The following PRDM12 variants were observed in gnomAD, a reference collection of about 807,000 sequenced individuals.
The protein encoded by PRDM12 is PR/SET domain 12, also known as PR domain zinc finger protein 12.
Under a neutral mutation model 29.6 loss-of-function variants are expected in PRDM12, and 17 were observed. That is an observed-to-expected ratio of 0.57 (90% CI 0.39 to 0.86). The LOEUF (loss-of-function observed/expected upper bound fraction) is 0.86, where lower values mean the gene tolerates loss of function less well. Ranked by LOEUF, PRDM12 falls within the 40% of genes least tolerant of loss-of-function variation. The pLI, the probability that PRDM12 is intolerant of heterozygous loss-of-function variation, is 0.00. For missense variants in PRDM12, 422 were observed against 510.8 expected (o/e 0.83, Z 1.68); for synonymous variants, 231 against 225.8 (o/e 1.02, Z -0.21).
rs369680186 is a variant in PRDM12 at position 130,681,270 on chromosome 9, G to C, written c.705G>C (p.Ser235=). The change falls in exon 5 of 5, where the codon TCG becomes TCC. Residue 235 remains serine (S), a synonymous_variant. Coordinates refer to ENST00000253008, the MANE Select transcript of PRDM12 (RefSeq NM_021619.3). This position sits in a 1 kb window ranked among gnomAD's most constrained non-coding sequence, Gnocchi z 8.1. ...CAGAGGACTTCCACCCGGCGGACTC[G>C]GCGGCTGGCCCCGCGGGCCGCATGC... The part of the protein sequence containing the change: ...NKHEDFHPAD[S]AAGPAGRMRC... 12 of 1,472,656 alleles carry C rather than the reference G, an allele frequency of 8.1e-6. No individual in the cohort carries two copies. The highest frequency in any genetic ancestry group is 5.1e-5 in the East Asian group (2 of 39,218). The allele number at this position is 1,472,656 out of a possible 1,614,324, so 91.2% of individuals were successfully genotyped here.
rs767792249 is a variant in PRDM12, at chr9:130,666,751, G to T, written c.367G>T (p.Ala123Ser). The change falls in exon 2 of 5, where the codon GCC becomes TCC. Residue 123 changes from alanine (A) to serine (S), a missense_variant. Ala to Ser is a moderately conservative substitution (Grantham distance 99). Transcript: ENST00000253008. The part of the protein sequence containing the change: ...EMGPFTGRVI[A>S]PEHVDICKNN... ...GGGCCCCTTCACCGGCCGCGTGATC[G>T]CCCCGGAGCACGTGGACATCTGCAA... 3 of 1,612,496 alleles carry T rather than the reference G, an allele frequency of 1.9e-6. No individual in the cohort carries two copies. Among genetic ancestry groups the T allele is most frequent in the Non-Finnish European group, 2.5e-6 (3 of 1,179,516 alleles).
In PRDM12 at chr9:130,682,702, C is replaced by G. The variant is rs570502377; in HGVS notation, c.*1033C>G. 3.6e-4 allele frequency: 55 copies of G among 152,550 alleles called. No individual in the cohort carries two copies. The highest frequency in any genetic ancestry group is 1.2e-3 in the African/African-American group (49 of 41,562). The allele number at this position is 152,550 out of a possible 1,614,324, so 9.4% of individuals were successfully genotyped here. A position where few individuals can be genotyped will look rare whatever the true frequency, so the allele number is the denominator to read the frequency against. ...CCCGTTTCCTCAAATTCGGGCCGTG[C>G]GCGCCCTCTGGTGTCGCCTCTCACA... is the stretch of plus-strand genomic sequence containing the variant. On this transcript the variant is annotated 3_prime_UTR_variant, in exon 5 of 5. Coordinates refer to ENST00000253008, the MANE Select transcript of PRDM12 (RefSeq NM_021619.3). The surrounding 1 kb of genome is among the most constrained non-coding windows in gnomAD (Gnocchi z 4.2).
At chr9:130,666,944 T>C (rs1015633449) in intron 2 of PRDM12, 146 bp downstream of exon 2, 30 of 1,149,920 alleles carry the variant, frequency 2.6e-5, no homozygotes, top group Non-Finnish European at 3.4e-5. Flanking sequence ...GCCGGGACTC[T>C]AAGCCGCCCG....
chr9:130,666,994 G>T (rs1022578865), intron 2 of PRDM12, among the ~76,000 whole-genome samples, 196 bp downstream of exon 2: 2 of 152,150 alleles, frequency 1.3e-5, no homozygotes, highest in African/African-American at 4.8e-5. Flanking sequence ...CTCCCAACCC[G>T]TGCCGAAAAT....
In PRDM12 at chr9:130,681,473, T is replaced by G; in HGVS notation, c.908T>G (p.Val303Gly). Residue 303 changes from valine to glycine, a missense_variant, in exon 5 of 5, where the codon GTG (valine) becomes GGG (glycine). This residue lies in a region of PRDM12 where 24 missense variants were observed against 64.0 expected (regional missense o/e 0.38). Transcript: ENST00000253008. The surrounding 1 kb of genome is among the most constrained non-coding windows in gnomAD (Gnocchi z 8.1). ...GGCGAGCGCCCCTACAAGTGCCAGG[T>G]GTGCCAGAGCGCCTACTCGCAGCTG... The part of the protein sequence containing the change: ...HTGERPYKCQ[V>G]CQSAYSQLAG... 6.4e-7 allele frequency: 1 copy of G among 1,550,772 alleles called. No homozygotes were observed. Among genetic ancestry groups the G allele is most frequent in the Admixed American group, 1.8e-5 (1 of 56,682 alleles).
rs1049765567 is a variant in PRDM12 at position 130,682,806 on chromosome 9, T to C, written c.*1137T>C. 3.3e-5 allele frequency: 5 copies of C among 152,658 alleles called. No individual in the cohort carries two copies. Among genetic ancestry groups the C allele is most frequent in the Admixed American group, 2.6e-4 (4 of 15,284 alleles). The allele number at this position is 152,658 out of a possible 1,614,324, so 9.5% of individuals were successfully genotyped here. On this transcript the variant is annotated 3_prime_UTR_variant, in exon 5 of 5. Coordinates refer to ENST00000253008, the MANE Select transcript of PRDM12 (RefSeq NM_021619.3). The surrounding 1 kb of genome is among the most constrained non-coding windows in gnomAD (Gnocchi z 4.2). ...ATATTAATGAAAAGTATAAAATGTA[T>C]AGAGTTTTCAAGAAACTGCGTTCTA...
In PRDM12 at chr9:130,681,137, GC is replaced by G; in HGVS notation, c.683-107del. On this transcript the variant is annotated intron_variant, in intron 4 of 4. Coordinates refer to ENST00000253008, the MANE Select transcript of PRDM12 (RefSeq NM_021619.3). This position sits in a 1 kb window ranked among gnomAD's most constrained non-coding sequence, Gnocchi z 8.1. Reference sequence around the variant, plus strand: ...AGCACCCACCCTCAAGGACGGACCGGCCCCGGGCTGGGGGCGCTGAGGGCCC... The same window carrying G: ...AGCACCCACCCTCAAGGACGGACCGGCCCGGGCTGGGGGCGCTGAGGGCCC... 1 of 1,164,266 alleles carries G rather than the reference GC, an allele frequency of 8.6e-7. No homozygotes were observed. The highest frequency in any genetic ancestry group is 1.1e-6 in the Non-Finnish European group (1 of 890,516). 72.1% of individuals were successfully genotyped at this position (1,164,266 alleles called of 1,614,324 possible). A position where few individuals can be genotyped will look rare whatever the true frequency, so the allele number is the denominator to read the frequency against.
At chr9:130,680,120 C>T (rs28633092) in intron 4 of PRDM12, among the ~76,000 whole-genome samples, 116,471 of 151,308 alleles carry the variant, frequency 0.77, 45,972 homozygotes, top group East Asian at 0.99. Flanking sequence ...GAGGATCACT[C>T]GAGCCCAGGA....
intron 3 of PRDM12, among the ~76,000 whole-genome samples, chr9:130,674,986 T>G (rs894069351): frequency 3.9e-5 from 6 of 152,142 alleles, no homozygotes; most frequent in Non-Finnish European, 7.4e-5. Context: ...TTCAGGCGAT[T>G]CTCCTGCCTC....
chr9:130,670,189 G>C (rs1276593787), intron 3 of PRDM12, among the ~76,000 whole-genome samples: 2 of 152,172 alleles, frequency 1.3e-5, no homozygotes, highest in Non-Finnish European at 2.9e-5. Context: ...TCCCCTTGGG[G>C]TTGGGCTAGG....
At chr9:130,674,291 GC>G (rs1267120172) in intron 3 of PRDM12, among the ~76,000 whole-genome samples, 1 of 152,004 alleles carries the variant, frequency 6.6e-6, no homozygotes, top group Non-Finnish European at 1.5e-5. Context: ...GGGATTACAG[GC>G]GTGAGCCACT....
chr9:130,681,301 G>T lies in PRDM12; in HGVS notation c.736G>T (p.Val246Phe). ...TGGCCCCGCGGGCCGCATGCGATGC[G>T]TCATCTGCCACCGCGGCTTCAACTC... ...AAGPAGRMRC[V>F]ICHRGFNSRS... The change falls in exon 5 of 5, where the codon GTC becomes TTC. Residue 246 changes from valine (V) to phenylalanine (F), a missense_variant. Coordinates refer to ENST00000253008, the MANE Select transcript of PRDM12 (RefSeq NM_021619.3). This position sits in a 1 kb window ranked among gnomAD's most constrained non-coding sequence, Gnocchi z 8.1. 5 of 1,525,954 alleles carry T rather than the reference G, an allele frequency of 3.3e-6. No individual in the cohort carries two copies. Among genetic ancestry groups the T allele is most frequent in the Non-Finnish European group, 4.4e-6 (5 of 1,131,014 alleles). 94.5% of individuals were successfully genotyped at this position (1,525,954 alleles called of 1,614,324 possible). A position where few individuals can be genotyped will look rare whatever the true frequency, so the allele number is the denominator to read the frequency against.
At position 130,681,764 on chromosome 9, in the gene PRDM12, C is replaced by A; in HGVS notation, c.*95C>A. On this transcript the variant is annotated 3_prime_UTR_variant, in exon 5 of 5. Coordinates refer to ENST00000253008, the MANE Select transcript of PRDM12 (RefSeq NM_021619.3). The surrounding 1 kb of genome is among the most constrained non-coding windows in gnomAD (Gnocchi z 8.1). ...CGCCCTCCAGCCCCAACCCCCGGCC[C>A]GGCGCCGCCGCGGAGCCCCGCGCGC... The A allele has an allele frequency of 8.4e-6, 8 of 954,668 alleles. No homozygotes were observed. The highest frequency in any genetic ancestry group is 1.0e-5 in the Non-Finnish European group (8 of 802,176). The allele number at this position is 954,668 out of a possible 1,614,324, so 59.1% of individuals were successfully genotyped here. A position where few individuals can be genotyped will look rare whatever the true frequency, so the allele number is the denominator to read the frequency against.
In PRDM12 at chr9:130,668,324, G is replaced by A. The variant is rs1437776975; in HGVS notation, c.570+11G>A. ...TACAAGGCCATTGAGGTGTGTGTGTGTGTGTGCACTGTTGTGTAGGGACCA... is the reference window on the plus strand; with the variant it reads ...TACAAGGCCATTGAGGTGTGTGTGTATGTGTGCACTGTTGTGTAGGGACCA... On this transcript the variant is annotated intron_variant, in intron 3 of 4. Coordinates refer to ENST00000253008, the MANE Select transcript of PRDM12 (RefSeq NM_021619.3). The surrounding 1 kb of genome is among the most constrained non-coding windows in gnomAD (Gnocchi z 4.0). 6.2e-7 allele frequency: 1 copy of A among 1,613,880 alleles called. No individual in the cohort carries two copies. Among genetic ancestry groups the A allele is most frequent in the East Asian group, 2.2e-5 (1 of 44,886 alleles).
intron 4 of PRDM12, among the ~76,000 whole-genome samples, chr9:130,679,266 G>GGTATTCCCTGGGTATTC (rs1430851587): frequency 2.0e-5 from 3 of 151,406 alleles, no homozygotes; most frequent in Non-Finnish European, 2.9e-5. Context: ...ACCTTTGGCA[G>GGTATTCCCTGGGTATTC]ATATCATCCC....
intron 3 of PRDM12, among the ~76,000 whole-genome samples, chr9:130,669,815 C>CA (rs55753417): frequency 0.012 from 530 of 42,982 alleles, 7 homozygotes; most frequent in African/African-American, 0.018. Context: ...GACTCCATCT[C>CA]AAAAAAAAAA....
Position 130,673,662 on chromosome 9 carries a change from ATTTTTTTTTTT to A in PRDM12, c.571-4851_571-4841del, listed in dbSNP as rs35312514. On this transcript the variant is annotated intron_variant, in intron 3 of 4. Coordinates refer to ENST00000253008, the MANE Select transcript of PRDM12 (RefSeq NM_021619.3). ...AGGCATGTGCCACCACTCACGGCTA[ATTTTTTTTTTT>A]TTTTTTTTTTTTTTTGAGACAGAGT... Among the ~76,000 whole-genome samples, 4 of 86,294 alleles carry A rather than the reference ATTTTTTTTTTT, an allele frequency of 4.6e-5. 1 individual carries two copies. The highest frequency in any genetic ancestry group is 3.9e-4 in the East Asian group (1 of 2,572). 56.6% of individuals were successfully genotyped at this position (86,294 alleles called of 152,430 possible). A position where few individuals can be genotyped will look rare whatever the true frequency, so the allele number is the denominator to read the frequency against.
At chr9:130,680,659 A>ATATATATTTTT in intron 4 of PRDM12, among the ~76,000 whole-genome samples, 12 of 72,164 alleles carry the variant, frequency 1.7e-4, no homozygotes, top group East Asian at 6.4e-4. Context: ...ATATATATAT[A>ATATATATTTTT]TTTTTTTTTT....
At chr9:130,679,095 C>T (rs1183849711) in intron 4 of PRDM12, among the ~76,000 whole-genome samples, 1 of 152,154 alleles carries the variant, frequency 6.6e-6, no homozygotes, top group Non-Finnish European at 1.5e-5. Flanking sequence ...CTTGCCCTGT[C>T]GATGATGTCT....
Sources: allele counts gnomAD v4.1 joint callset (sites outside exome capture counted in the v4.1 genomes callset), GRCh38; gene constraint gnomAD v4.1.1; regional missense constraint gnomAD v4.1.1; non-coding constraint Gnocchi (gnomAD v3.1); transcripts MANE v1.5; gene names NCBI Gene and HGNC (gene_info 2026-07-23, HGNC 2026-07-21).